Variants in EPB41 observed in about 807,000 individuals in gnomAD.
EPB41 encodes protein 4.1.
In EPB41, 65 loss-of-function variants were observed where a neutral mutation model predicts 108.0. That is an observed-to-expected ratio of 0.60 (90% CI 0.49 to 0.74). EPB41 has a LOEUF of 0.74. Ranked by LOEUF, EPB41 falls within the 30% of genes least tolerant of loss-of-function variation. The pLI, the probability that EPB41 is intolerant of heterozygous loss-of-function variation, is 0.00. For missense variants in EPB41, 875 were observed against 1,037.0 expected (o/e 0.84, Z 2.15); for synonymous variants, 336 against 358.9 (o/e 0.94, Z 0.72).
At chr1:28,951,833 G>A (rs1196090104) in intron 1 of EPB41, among the ~76,000 whole-genome samples, 1 of 152,082 alleles carries the variant, frequency 6.6e-6, no homozygotes, top group East Asian at 1.9e-4. Flanking sequence ...CAGCCTGATT[G>A]TGCCATCGTA....
chr1:29,044,941 GA>G (rs1445519787), intron 11 of EPB41, among the ~76,000 whole-genome samples: 1 of 152,180 alleles, frequency 6.6e-6, no homozygotes, highest in East Asian at 1.9e-4. Flanking sequence ...ATAAATTTGG[GA>G]GTTCATTTCT....
At chr1:28,926,318 T>C (rs1202588688) in intron 1 of EPB41, among the ~76,000 whole-genome samples, 3 of 152,250 alleles carry the variant, frequency 2.0e-5, no homozygotes, top group African/African-American at 7.2e-5. Flanking sequence ...TAAGGTTATT[T>C]TGATGATTAA....
intron 4 of EPB41, among the ~76,000 whole-genome samples, chr1:29,000,829 TG>T (rs905726731): frequency 2.6e-5 from 4 of 152,024 alleles, no homozygotes; most frequent in African/African-American, 4.8e-5. Context: ...AACAGAGTGT[TG>T]TTTTTTTTTT....
Position 29,047,253 on chromosome 1 carries a change from C to CTTTTTTT in EPB41, c.1637-5841_1637-5835dup, listed in dbSNP as rs755248112. On this transcript the variant is annotated intron_variant, in intron 11 of 20. Transcript: ENST00000343067. ...TGTTTCTTTTTTCTTTCTTTCTTTC[C>CTTTTTTT]TTTTTTTTTTTTTTTTGGAGAGAGA... Among the ~76,000 whole-genome samples the CTTTTTTT allele has an allele frequency of 1.1e-4, 11 of 100,528 alleles. 1 individual carries two copies. In the South Asian group the frequency reaches 3.5e-3, roughly 32 times the overall value. The allele number at this position is 100,528 out of a possible 152,430, so 66.0% of individuals were successfully genotyped here. A position where few individuals can be genotyped will look rare whatever the true frequency, so the allele number is the denominator to read the frequency against.
chr1:29,103,834 A>G (rs1666250180), intron 17 of EPB41, among the ~76,000 whole-genome samples: 1 of 152,026 alleles, frequency 6.6e-6, no homozygotes, highest in African/African-American at 2.4e-5. Flanking sequence ...TGCCCGGCTA[A>G]TTTTTTTATT....
At chr1:28,934,530 G>A (rs2093900759) in intron 1 of EPB41, among the ~76,000 whole-genome samples, 2 of 152,204 alleles carry the variant, frequency 1.3e-5, no homozygotes, top group South Asian at 4.2e-4. Context: ...TTATATCAGT[G>A]TGGAGTCATA....
chr1:28,960,688 C>T (rs1381774175), intron 1 of EPB41, among the ~76,000 whole-genome samples: 1 of 151,690 alleles, frequency 6.6e-6, no homozygotes, highest in Non-Finnish European at 1.5e-5. Flanking sequence ...TGAGATTGTG[C>T]CACCGCACTC....
At chr1:29,071,709 G>C (rs894965060) in intron 16 of EPB41, 1 of 151,728 alleles carries the variant, frequency 6.6e-6, no homozygotes, top group Non-Finnish European at 1.5e-5. Flanking sequence ...CTCTCTTCAG[G>C]ACAACTCACA....
Position 28,887,608 on chromosome 1 carries a change from C to T in EPB41, c.-8+398C>T. ...CCTTGCCCGGCCCCGCATGCTCCTG[C>T]CGGGCCCGCAGCAGCGCTGGAGCGG... On this transcript the variant is annotated intron_variant, in intron 1 of 16. Coordinates refer to the EPB41 transcript ENST00000347529. This position sits in a 1 kb window ranked among gnomAD's most constrained non-coding sequence, Gnocchi z 4.9. 1.0e-6 allele frequency: 1 copy of T among 985,296 alleles called. No homozygotes were observed. Among genetic ancestry groups the T allele is most frequent in the Non-Finnish European group, 1.2e-6 (1 of 829,852 alleles). 61.0% of individuals were successfully genotyped at this position (985,296 alleles called of 1,614,324 possible). A position where few individuals can be genotyped will look rare whatever the true frequency, so the allele number is the denominator to read the frequency against.
chr1:28,949,038 A>T (rs1318165532), intron 1 of EPB41, among the ~76,000 whole-genome samples: 2 of 152,230 alleles, frequency 1.3e-5, no homozygotes, highest in African/African-American at 4.8e-5. Flanking sequence ...CTTAAGAACT[A>T]GAACTATACT....
At chr1:28,920,627 TA>T (rs1208820824) in intron 1 of EPB41, among the ~76,000 whole-genome samples, 11 of 152,174 alleles carry the variant, frequency 7.2e-5, no homozygotes, top group Non-Finnish European at 1.5e-4. Flanking sequence ...AGGATTATTT[TA>T]TTTTTATTTA....
intron 1 of EPB41, among the ~76,000 whole-genome samples, chr1:28,947,439 AAACAAACAAACG>A (rs961184269): frequency 4.4e-5 from 6 of 134,860 alleles, no homozygotes; most frequent in Non-Finnish European, 7.9e-5. Context: ...ACAAACAAAC[AAACAAACAAACG>A]GCCTTTTAAT....
chr1:29,022,372 TAAAAA>T (rs370103452), intron 7 of EPB41, among the ~76,000 whole-genome samples: 6 of 111,544 alleles, frequency 5.4e-5, no homozygotes, highest in East Asian at 6.9e-4. Context: ...ATTGATATAA[TAAAAA>T]AAAAAAAAAA....
Position 29,060,515 on chromosome 1 carries a change from G to A in EPB41, c.2007+31G>A, listed in dbSNP as rs772032681. ...TATGAACTTGAAGCTTATTTCAGTTGGTTGCCTGGAACCTTCTGCATTCTT... is the reference window on the plus strand; with the variant it reads ...TATGAACTTGAAGCTTATTTCAGTTAGTTGCCTGGAACCTTCTGCATTCTT... On this transcript the variant is annotated intron_variant, in intron 15 of 20. Transcript: ENST00000343067. 26 of 1,587,798 alleles carry A rather than the reference G, an allele frequency of 1.6e-5. No individual in the cohort carries two copies. The East Asian group carries it at 5.6e-4, about 34-fold the overall frequency.
At chr1:28,898,780 G>T (rs2090980622) in intron 1 of EPB41, among the ~76,000 whole-genome samples, 1 of 152,238 alleles carries the variant, frequency 6.6e-6, no homozygotes, top group Non-Finnish European at 1.5e-5. Flanking sequence ...CAGTCCTGAG[G>T]CCTGGGCACT....
chr1:29,061,423 C>T (rs892179205), intron 15 of EPB41, among the ~76,000 whole-genome samples: 7 of 152,006 alleles, frequency 4.6e-5, no homozygotes, highest in African/African-American at 1.7e-4. Context: ...GCGCCCGCCA[C>T]CTGTCTGGCT....
At chr1:28,991,961 T>C (rs2096032196) in intron 2 of EPB41, among the ~76,000 whole-genome samples, 1 of 152,216 alleles carries the variant, frequency 6.6e-6, no homozygotes, top group African/African-American at 2.4e-5. Flanking sequence ...TTGTAATTGT[T>C]GTATAAATGT....
chr1:29,039,221 A>G (rs1314891842), intron 10 of EPB41, 33 bp from the exon 11 acceptor site: 2 of 1,597,216 alleles, frequency 1.3e-6, no homozygotes, highest in Non-Finnish European at 1.7e-6. Flanking sequence ...AGATGAATAT[A>G]TAATAATATG....
chr1:29,038,170 A>T (rs553740423), intron 10 of EPB41, among the ~76,000 whole-genome samples: 17 of 152,384 alleles, frequency 1.1e-4, no homozygotes, highest in African/African-American at 3.8e-4. Context: ...TTAATATTTC[A>T]ATTATTTCAA....
Sources: allele counts gnomAD v4.1 joint callset (sites outside exome capture counted in the v4.1 genomes callset), GRCh38; gene constraint gnomAD v4.1.1; non-coding constraint Gnocchi (gnomAD v3.1); transcripts MANE v1.5; gene names NCBI Gene and HGNC (gene_info 2026-07-23, HGNC 2026-07-21).